The following ERBB4 variants were observed in gnomAD, a reference collection of about 807,000 sequenced individuals.
ERBB4 encodes the protein erb-b2 receptor tyrosine kinase 4, also known as receptor tyrosine-protein kinase erbB-4.
In ERBB4, 42 loss-of-function variants were observed where a neutral mutation model predicts 158.0. The observed-to-expected ratio is 0.27, with a 90% confidence interval of 0.21 to 0.34. The LOEUF (loss-of-function observed/expected upper bound fraction) is 0.34, where lower values mean the gene tolerates loss of function less well. Among genes scored for constraint, ERBB4 ranks in the 10% least tolerant of loss-of-function variants. The pLI is 1.00. For synonymous variants in ERBB4, 583 were observed against 558.7 expected (o/e 1.04, Z -0.61); for missense variants, 1,333 against 1,624.1 (o/e 0.82, Z 3.08).
chr2:212,377,133 C>T (rs1395523453), intron 1 of ERBB4, among the ~76,000 whole-genome samples: 1 of 150,738 alleles, frequency 6.6e-6, no homozygotes, highest in African/African-American at 2.4e-5. Context: ...TTACGTGATA[C>T]TGTAAAATCA....
Position 211,600,387 on chromosome 2 carries a change from TAAG to T in ERBB4, c.2301+18787_2301+18789del, listed in dbSNP as rs2068764032. The stretch of plus-strand genomic sequence containing the variant: ...ATGACAACAGATCTCAGAAAAATGA[TAAG>T]AAATGGAGACAGCAAAATGAGAAAA... On this transcript the variant is annotated intron_variant, in intron 19 of 27. Transcript: ENST00000342788. 1.3e-5 allele frequency among the ~76,000 whole-genome samples: 2 copies of T among 152,116 alleles called. 1 individual carries two copies. The highest frequency in any genetic ancestry group is 4.2e-4 in the South Asian group (2 of 4,812).
chr2:212,055,170 G>A (rs1336855012), intron 2 of ERBB4, among the ~76,000 whole-genome samples: 1 of 152,162 alleles, frequency 6.6e-6, no homozygotes, highest in Non-Finnish European at 1.5e-5. Context: ...TGGCTCGGAG[G>A]GTCCCACGCC....
At chr2:211,553,103 G>A (rs763888897) in intron 20 of ERBB4, among the ~76,000 whole-genome samples, 25 of 151,808 alleles carry the variant, frequency 1.6e-4, no homozygotes, top group Non-Finnish European at 3.7e-4. Context: ...TGAGTAGCTG[G>A]GATTGCAGGC....
intron 19 of ERBB4, among the ~76,000 whole-genome samples, chr2:211,594,641 A>T (rs1341078903): frequency 1.3e-5 from 2 of 152,176 alleles, no homozygotes; most frequent in African/African-American, 4.8e-5. Context: ...TTTATTCATA[A>T]GATATTCACA....
chr2:212,313,452 GTA>G (rs541702078), intron 1 of ERBB4, among the ~76,000 whole-genome samples: 13 of 150,322 alleles, frequency 8.6e-5, no homozygotes, highest in Admixed American at 8.0e-4. Flanking sequence ...ACTAATTCTG[GTA>G]TATATATATA....
chr2:212,135,250 A>G (rs1251308691), intron 1 of ERBB4, among the ~76,000 whole-genome samples: 4 of 152,164 alleles, frequency 2.6e-5, no homozygotes, highest in African/African-American at 9.7e-5. Flanking sequence ...TGTGAGGGAA[A>G]ATAACCTCAT....
At chr2:212,149,431 T>C (rs1026070156) in intron 1 of ERBB4, among the ~76,000 whole-genome samples, 20 of 152,168 alleles carry the variant, frequency 1.3e-4, no homozygotes, top group African/African-American at 4.1e-4. Context: ...AAAGTTGTAG[T>C]AAATTGAACA....
chr2:212,430,108 G>C (rs926411629), intron 1 of ERBB4, among the ~76,000 whole-genome samples: 1 of 152,098 alleles, frequency 6.6e-6, no homozygotes, highest in Non-Finnish European at 1.5e-5. Flanking sequence ...AATAAATAAT[G>C]CTTATGAAAG....
intron 14 of ERBB4, among the ~76,000 whole-genome samples, chr2:211,668,709 C>T (rs1480431940): frequency 1.3e-5 from 2 of 152,024 alleles, no homozygotes; most frequent in Non-Finnish European, 2.9e-5. Flanking sequence ...TTATAATTCT[C>T]CTCCCACCAG....
intron 2 of ERBB4, among the ~76,000 whole-genome samples, chr2:211,951,692 C>A (rs369880376): frequency 1.3e-5 from 2 of 152,058 alleles, no homozygotes; most frequent in African/African-American, 2.4e-5. Flanking sequence ...GATTCTAGAA[C>A]TGGAGGGATT....
chr2:211,445,242 G>A (rs1393397114), intron 20 of ERBB4, among the ~76,000 whole-genome samples: 1 of 152,120 alleles, frequency 6.6e-6, no homozygotes, highest in African/African-American at 2.4e-5. Flanking sequence ...AAGCACATTA[G>A]AAAGAATCAA....
intron 1 of ERBB4, among the ~76,000 whole-genome samples, chr2:212,166,558 A>G (rs933949244): frequency 1.4e-5 from 2 of 142,728 alleles, no homozygotes; most frequent in Admixed American, 1.4e-4. Flanking sequence ...ACTACCATTG[A>G]CATTCTTCAC....
chr2:211,789,180 C>T (rs1429050541), intron 3 of ERBB4, among the ~76,000 whole-genome samples: 1 of 152,120 alleles, frequency 6.6e-6, no homozygotes, highest in East Asian at 1.9e-4. Flanking sequence ...TTTCCCCTTC[C>T]TGTTCAATAC....
chr2:212,000,455 G>T (rs1201037779), intron 2 of ERBB4, among the ~76,000 whole-genome samples: 1 of 151,858 alleles, frequency 6.6e-6, no homozygotes, highest in Non-Finnish European at 1.5e-5. Context: ...TGAAAACAAT[G>T]TAAGAAAGCC....
At chr2:211,967,359 T>G (rs150202885) in intron 2 of ERBB4, among the ~76,000 whole-genome samples, 1 of 152,248 alleles carries the variant, frequency 6.6e-6, no homozygotes, top group Non-Finnish European at 1.5e-5. Context: ...GAAAATGTTA[T>G]GTAAATTTCA....
intron 25 of ERBB4, among the ~76,000 whole-genome samples, chr2:211,402,733 T>C (rs1325612073): frequency 6.6e-6 from 1 of 152,012 alleles, no homozygotes; most frequent in African/African-American, 2.4e-5. Flanking sequence ...AATAAAGTTT[T>C]AAAATGTGCT....
chr2:211,437,992 G>C (rs538546515), intron 20 of ERBB4, among the ~76,000 whole-genome samples: 1 of 152,266 alleles, frequency 6.6e-6, no homozygotes, highest in South Asian at 2.1e-4. Flanking sequence ...TCCAAATAGT[G>C]CATAAAGGGA....
intron 3 of ERBB4, among the ~76,000 whole-genome samples, chr2:211,904,806 T>A (rs1331688994): frequency 1.3e-5 from 2 of 152,144 alleles, no homozygotes; most frequent in African/African-American, 2.4e-5. Flanking sequence ...CACTCACTAG[T>A]ATATAATTAG....
intron 7 of ERBB4, among the ~76,000 whole-genome samples, chr2:211,716,716 A>G (rs2073928102): frequency 1.0e-5 from 1 of 95,940 alleles, no homozygotes; most frequent in South Asian, 3.3e-4. Flanking sequence ...AAAACAAAAA[A>G]AAACAAAAAA....
Sources: gnomAD v4.1 joint callset for allele counts (sites outside exome capture counted in the v4.1 genomes callset) on GRCh38, gnomAD v4.1.1 for gene constraint, MANE v1.5 for transcripts, NCBI Gene and HGNC (gene_info 2026-07-23, HGNC 2026-07-21) for gene names.